SLC13A2: variants seen among roughly 807,000 people sequenced by gnomAD.
SLC13A2 encodes Na(+)-coupled citrate transporter.
A neutral mutation model predicts 58.5 loss-of-function variants in SLC13A2; 40 were observed. That is an observed-to-expected ratio of 0.68 (90% CI 0.53 to 0.89). SLC13A2 has a LOEUF of 0.89. Ranked by LOEUF, SLC13A2 falls within the 40% of genes least tolerant of loss-of-function variation. SLC13A2 has a pLI of 0.00. For synonymous variants in SLC13A2, 341 were observed against 331.6 expected, an observed-to-expected ratio of 1.03 and a Z score of -0.31; for missense variants, 694 against 772.6, an observed-to-expected ratio of 0.90 and a Z score of 1.21.
chr17:28,497,613 C>T lies in SLC13A2; in HGVS notation c.*344C>T, dbSNP rs782650057. 4 of 237,370 alleles carry T rather than the reference C, an allele frequency of 1.7e-5. No individual in the cohort carries two copies. The East Asian group carries it at 2.7e-4, about 16-fold the overall frequency. The allele number at this position is 237,370 out of a possible 1,614,324, so 14.7% of individuals were successfully genotyped here. On this transcript the variant is annotated 3_prime_UTR_variant, in exon 12 of 12. Transcript: ENST00000314669. ...GTGTGTTCACAGACAATACAACATG[C>T]CCTCTCTGGTGCCCCAGGTCTTGGT...
intron 2 of SLC13A2, chr17:28,490,245 G>C: frequency 6.8e-7 from 1 of 1,462,452 alleles, no homozygotes; most frequent in Non-Finnish European, 9.1e-7. Flanking sequence ...CTGCATTCCA[G>C]CCTGGGCAAC....
At chr17:28,477,375 T>C (rs1332616209) in intron 1 of SLC13A2, among the ~76,000 whole-genome samples, 1 of 151,496 alleles carries the variant, frequency 6.6e-6, no homozygotes, top group Non-Finnish European at 1.5e-5. Context: ...TTTGTATTTT[T>C]AGTAGAGACG....
chr17:28,490,349 G>T, intron 2 of SLC13A2, 105 bp from the exon 3 acceptor site: 1 of 1,613,310 alleles, frequency 6.2e-7, no homozygotes, highest in Non-Finnish European at 8.5e-7. Flanking sequence ...GAGCCCAGGG[G>T]AATGCCAGTC....
intron 1 of SLC13A2, among the ~76,000 whole-genome samples, chr17:28,482,300 C>G (rs1004827817): frequency 6.6e-6 from 1 of 152,196 alleles, no homozygotes; most frequent in Non-Finnish European, 1.5e-5. Context: ...AATCCTCCTG[C>G]CTCAGCCTCC....
chr17:28,496,502 C>T lies in SLC13A2; in HGVS notation c.1523C>T (p.Ala508Val). 1 of 1,613,520 alleles carries T rather than the reference C, an allele frequency of 6.2e-7. No individual in the cohort carries two copies. The highest frequency in any genetic ancestry group is 2.2e-5 in the East Asian group (1 of 44,834). Residue 508 changes from alanine to valine, a missense_variant, in exon 11 of 12, where the codon GCC (alanine) becomes GTC (valine). By Grantham distance (64) the Ala-to-Val change is moderately conservative (BLOSUM62 0). Transcript: ENST00000314669. This position sits in a 1 kb window ranked among gnomAD's most constrained non-coding sequence, Gnocchi z 4.2. The stretch of plus-strand genomic sequence containing the variant: ...TACGTCATGCTCCCCTGCACTCTGG[C>T]CACCTCCCTGGCCTTCATGTTGCCT... ...PLYVMLPCTLATSLAFMLPVA... is the reference protein window; with the variant it reads ...PLYVMLPCTLVTSLAFMLPVA...
At chr17:28,486,327 A>T (rs1399542192) in intron 1 of SLC13A2, among the ~76,000 whole-genome samples, 1 of 152,216 alleles carries the variant, frequency 6.6e-6, no homozygotes, top group Non-Finnish European at 1.5e-5. Context: ...CATTAATAGC[A>T]CTATGATTTT....
intron 1 of SLC13A2, among the ~76,000 whole-genome samples, chr17:28,477,398 GT>G (rs1197921027): frequency 2.6e-5 from 4 of 151,664 alleles, no homozygotes; most frequent in Non-Finnish European, 5.9e-5. Flanking sequence ...GTTTCACCGT[GT>G]TAGCCAGGAT....
chr17:28,488,649 A>G (rs956532273), intron 1 of SLC13A2, among the ~76,000 whole-genome samples: 2 of 152,214 alleles, frequency 1.3e-5, no homozygotes, highest in Admixed American at 1.3e-4. Context: ...AACTTCACAT[A>G]GCCTATAAAT....
intron 1 of SLC13A2, among the ~76,000 whole-genome samples, chr17:28,476,034 C>T (rs2068664448): frequency 6.6e-6 from 1 of 152,180 alleles, no homozygotes; most frequent in African/African-American, 2.4e-5. Flanking sequence ...TTTTCCACGT[C>T]CAAACCAAAA....
chr17:28,487,277 C>G (rs1379738170), intron 1 of SLC13A2: 1 of 152,290 alleles, frequency 6.6e-6, no homozygotes, highest in Non-Finnish European at 1.5e-5. Flanking sequence ...AGGACACCCT[C>G]AAATGCAAGT....
intron 1 of SLC13A2, among the ~76,000 whole-genome samples, chr17:28,477,415 T>C (rs112891977): frequency 0.23 from 34,181 of 151,428 alleles, 4,105 homozygotes; most frequent in Middle Eastern, 0.28. Flanking sequence ...AGGATGGTCT[T>C]GATCTCCTGA....
chr17:28,495,894 G>C, intron 10 of SLC13A2, 78 bp downstream of exon 10: 2 of 1,487,194 alleles, frequency 1.3e-6, no homozygotes, highest in Non-Finnish European at 1.8e-6. Flanking sequence ...GCTGGGCAGA[G>C]TATCCTGTCT....
chr17:28,474,399 G>T (rs1199844812), intron 1 of SLC13A2, among the ~76,000 whole-genome samples: 1 of 152,104 alleles, frequency 6.6e-6, no homozygotes, highest in Non-Finnish European at 1.5e-5. Context: ...GATGGAGGGG[G>T]AGCTGGGCAC....
chr17:28,474,581 T>G (rs556586427), intron 1 of SLC13A2, among the ~76,000 whole-genome samples: 3 of 152,304 alleles, frequency 2.0e-5, no homozygotes, highest in African/African-American at 7.2e-5. Context: ...TGAGGTTAAG[T>G]CACTTAGTCA....
chr17:28,492,081 A>G (rs1320789954), intron 6 of SLC13A2, among the ~76,000 whole-genome samples: 2 of 152,254 alleles, frequency 1.3e-5, no homozygotes, highest in Admixed American at 6.5e-5. Context: ...GTTCGCAACT[A>G]GATTTGTCAG....
intron 1 of SLC13A2, among the ~76,000 whole-genome samples, chr17:28,477,153 C>G (rs2068689477): frequency 6.7e-6 from 1 of 148,632 alleles, no homozygotes; most frequent in African/African-American, 2.5e-5. Context: ...GAGCAAGACT[C>G]TATCTCAAAA....
At chr17:28,490,616 G>A (rs782142663) in intron 3 of SLC13A2, 26 bp downstream of exon 3, 30 of 1,589,720 alleles carry the variant, frequency 1.9e-5, no homozygotes, top group Admixed American at 5.1e-5. Context: ...AAACCAGCAC[G>A]GGAGAACCTG....
rs1282116379 is a variant in SLC13A2, at chr17:28,494,888, A to G, written c.1308+376A>G. Among the ~76,000 whole-genome samples, 1 of 152,084 alleles carries G rather than the reference A, an allele frequency of 6.6e-6. No homozygotes were observed. The highest frequency in any genetic ancestry group is 2.4e-5 in the African/African-American group (1 of 41,422). The stretch of plus-strand genomic sequence containing the variant: ...ACGCGGTCTGCCCTCCGCAGCCACC[A>G]GGGGGCACCATGATCACACCCACCC... On this transcript the variant is annotated intron_variant, in intron 9 of 11. Coordinates refer to ENST00000314669, the MANE Select transcript of SLC13A2 (RefSeq NM_003984.4). This position sits in a 1 kb window ranked among gnomAD's most constrained non-coding sequence, Gnocchi z 4.0.
rs79182027 is a variant in SLC13A2 at position 28,491,830 on chromosome 17, C to T, written c.856C>T (p.Gln286Ter). Residue 286 changes from glutamine (Q) to a stop codon, truncating the protein, a stop_gained, in exon 6 of 12, where the codon CAG becomes TAG. Coordinates refer to ENST00000314669, the MANE Select transcript of SLC13A2 (RefSeq NM_003984.4). LOFTEE classifies it high-confidence loss of function. ...GCTGCTGCTGGCCTGGTTGTGGCTG[C>T]AGATCCTCTTCCTGGGCTTCAAGTA... Reference protein sequence around the residue: ...ILLLLAWLWLQILFLGFNFRK... With the variant: ...ILLLLAWLWL 18 of 1,614,156 alleles carry T rather than the reference C, an allele frequency of 1.1e-5. No individual in the cohort carries two copies. The highest frequency in any genetic ancestry group is 1.4e-5 in the Non-Finnish European group (17 of 1,179,992).
Sources: allele counts gnomAD v4.1 joint callset (sites outside exome capture counted in the v4.1 genomes callset), GRCh38; gene constraint gnomAD v4.1.1; non-coding constraint Gnocchi (gnomAD v3.1); transcripts MANE v1.5; gene names NCBI Gene and HGNC (gene_info 2026-07-23, HGNC 2026-07-21).